The following ZNF705B variants were observed in gnomAD, a reference collection of about 807,000 sequenced individuals.
ZNF705B encodes the protein Putative zinc finger protein 705D-like protein LOC100132396.
Under a neutral mutation model 10.5 loss-of-function variants are expected in ZNF705B, and 1 was observed. The ratio of observed to expected loss-of-function variants is 0.10; its 90% CI spans 0.03 to 0.45. ZNF705B has a LOEUF of 0.45. ZNF705B is among the 20% of genes least tolerant of loss of function. The pLI is 0.97. For synonymous variants in ZNF705B, 4 were observed against 25.4 expected (o/e 0.16, Z 2.53); for missense variants, 14 against 84.0 (o/e 0.17, Z 3.26).
intron 2 of ZNF705B, among the ~76,000 whole-genome samples, chr8:7,932,279 G>A (rs1354220971): frequency 8.3e-6 from 1 of 121,034 alleles, no homozygotes; most frequent in Non-Finnish European, 2.0e-5. Context: ...TGGCTGGGCT[G>A]CTGCTTCATT....
chr8:7,948,981 A>G (rs1342183583), intron 3 of ZNF705B, 148 bp from the exon 4 acceptor site: 1 of 139,658 alleles, frequency 7.2e-6, no homozygotes, highest in African/African-American at 3.5e-5. Context: ...AAAGGCAGAT[A>G]CCAGCTTAGT....
At chr8:7,940,611 C>A (rs2740655) in intron 2 of ZNF705B, among the ~76,000 whole-genome samples, 49,865 of 102,518 alleles carry the variant, frequency 0.49, 9,564 homozygotes, top group Admixed American at 0.57. Context: ...GCACCAGGGC[C>A]CCTGGCAACC....
chr8:7,928,537 A>G (rs1265611585), intron 1 of ZNF705B, among the ~76,000 whole-genome samples: 1 of 118,766 alleles, frequency 8.4e-6, no homozygotes, highest in African/African-American at 2.5e-5. Flanking sequence ...GAAACAATAT[A>G]AAGCAACACA....
At chr8:7,928,122 T>C (rs2740640) in intron 1 of ZNF705B, among the ~76,000 whole-genome samples, 1,194 of 108,914 alleles carry the variant, frequency 0.011, 11 homozygotes, top group African/African-American at 0.032. Flanking sequence ...AGAGAGCTCG[T>C]TCCCTTCTCT....
rs1406499480 is a variant in ZNF705B, at chr8:7,928,027, G to A, written c.-222+1630G>A. Among the ~76,000 whole-genome samples the A allele has an allele frequency of 1.2e-4, 15 of 130,378 alleles. No individual in the cohort carries two copies. The East Asian group carries it at 1.3e-3, about 12-fold the overall frequency. The allele number at this position is 130,378 out of a possible 152,430, so 85.5% of individuals were successfully genotyped here. Reference sequence around the variant, plus strand: ...ATGCTATTAAAAAGTAATATAAACAGGGTGGCTTATAAAGAGCAGAAGTTT... The same window carrying A: ...ATGCTATTAAAAAGTAATATAAACAAGGTGGCTTATAAAGAGCAGAAGTTT... On this transcript the variant is annotated intron_variant, in intron 1 of 6. Coordinates refer to ENST00000400120, the MANE Select transcript of ZNF705B (RefSeq NM_001193630.1).
chr8:7,931,691 G>A (rs1408393798), intron 2 of ZNF705B, among the ~76,000 whole-genome samples: 2 of 129,468 alleles, frequency 1.5e-5, no homozygotes, highest in Non-Finnish European at 3.6e-5. Flanking sequence ...CAGGTGTGCA[G>A]TGGCCCTGCT....
Position 7,936,600 on chromosome 8 carries a change from C to T in ZNF705B, c.-72+6164C>T, listed in dbSNP as rs529150630. On this transcript the variant is annotated intron_variant, in intron 2 of 6. Coordinates refer to ENST00000400120, the MANE Select transcript of ZNF705B (RefSeq NM_001193630.1). ...ATGGATGCAGCTGGAGGACTTTATT[C>T]TAAGCAAATTAGCTCAAGAACAGGA... Among the ~76,000 whole-genome samples the T allele has an allele frequency of 8.3e-5, 10 of 119,948 alleles. 3 individuals are homozygous for T. Among genetic ancestry groups the T allele is most frequent in the East Asian group, 2.4e-4 (1 of 4,226 alleles). The allele number at this position is 119,948 out of a possible 152,430, so 78.7% of individuals were successfully genotyped here.
Position 7,930,921 on chromosome 8 carries a change from A to C in ZNF705B, c.-72+485A>C, listed in dbSNP as rs1819829112. ...GGCCAGGCTGCAGTGCAGTGGCACA[A>C]TTTCAACTCACTGCAGCTCTGCCTC... On this transcript the variant is annotated intron_variant, in intron 2 of 6. Transcript: ENST00000400120. Among the ~76,000 whole-genome samples, 3 of 129,322 alleles carry C rather than the reference A, an allele frequency of 2.3e-5. No homozygotes were observed. The South Asian group carries it at 7.7e-4, about 33-fold the overall frequency. The allele number at this position is 129,322 out of a possible 152,430, so 84.8% of individuals were successfully genotyped here. A position where few individuals can be genotyped will look rare whatever the true frequency, so the allele number is the denominator to read the frequency against.
At chr8:7,936,639 A>G (rs1190513355) in intron 2 of ZNF705B, among the ~76,000 whole-genome samples, 1 of 119,288 alleles carries the variant, frequency 8.4e-6, no homozygotes, top group African/African-American at 2.6e-5. Flanking sequence ...CAAATACCAC[A>G]TATTCTCAGT....
At chr8:7,940,581 C>G (rs867016231) in intron 2 of ZNF705B, among the ~76,000 whole-genome samples, 1 of 130,972 alleles carries the variant, frequency 7.6e-6, no homozygotes, top group Non-Finnish European at 1.7e-5. Context: ...GTGCTCTAAC[C>G]ACATCTACCC....
At chr8:7,931,086 C>A (rs1819834567) in intron 2 of ZNF705B, among the ~76,000 whole-genome samples, 1 of 119,808 alleles carries the variant, frequency 8.3e-6, no homozygotes, top group Non-Finnish European at 2.0e-5. Flanking sequence ...CTCCCGACCT[C>A]GGGTGATCTG....
intron 2 of ZNF705B, among the ~76,000 whole-genome samples, chr8:7,932,459 C>T (rs1365372707): frequency 8.2e-6 from 1 of 121,334 alleles, no homozygotes; most frequent in Non-Finnish European, 2.0e-5. Context: ...CACCTCCTAG[C>T]AATGAGAGGA....
chr8:7,927,617 A>G (rs1234210941), intron 1 of ZNF705B, among the ~76,000 whole-genome samples: 1 of 117,090 alleles, frequency 8.5e-6, no homozygotes, highest in African/African-American at 2.5e-5. Context: ...GACAAACAGT[A>G]GGAGGTTGAC....
chr8:7,930,813 A>G (rs1035968333), intron 2 of ZNF705B, among the ~76,000 whole-genome samples: 1 of 114,430 alleles, frequency 8.7e-6, no homozygotes, highest in Non-Finnish European at 2.1e-5. Flanking sequence ...TTTACCAGAC[A>G]TCACGGCAAA....
rs1345245217 is a variant in ZNF705B, at chr8:7,932,603, T to C, written c.-72+2167T>C. Among the ~76,000 whole-genome samples the C allele has an allele frequency of 1.6e-5, 2 of 121,712 alleles. 1 individual carries two copies. The highest frequency in any genetic ancestry group is 3.9e-5 in the Non-Finnish European group (2 of 50,706). 79.8% of individuals were successfully genotyped at this position (121,712 alleles called of 152,430 possible). On this transcript the variant is annotated intron_variant, in intron 2 of 6. Transcript: ENST00000400120. ...TCAGTTGGTGATGCAGTTTCAAAAATGCACTGAGGAAAACTTGGCACTTCC... is the reference window on the plus strand; with the variant it reads ...TCAGTTGGTGATGCAGTTTCAAAAACGCACTGAGGAAAACTTGGCACTTCC...
At chr8:7,933,941 T>TC (rs1819924024) in intron 2 of ZNF705B, among the ~76,000 whole-genome samples, 7 of 70,724 alleles carry the variant, frequency 9.9e-5, no homozygotes, top group African/African-American at 2.4e-4. Flanking sequence ...TTTTTTTTTT[T>TC]TTTTTTTTTT....
At chr8:7,935,273 G>A (rs1403627792) in intron 2 of ZNF705B, among the ~76,000 whole-genome samples, 3 of 137,570 alleles carry the variant, frequency 2.2e-5, no homozygotes, top group Non-Finnish European at 3.3e-5. Context: ...AGAAACCATT[G>A]CATATATTAA....
Position 7,932,064 on chromosome 8 carries a change from C to T in ZNF705B, c.-72+1628C>T, listed in dbSNP as rs2979535. ...GCCTGTGTCTGGGGGCACGTGCAGA[C>T]GATCCAGTGCCAACTCCTTCTCTGG... On this transcript the variant is annotated intron_variant, in intron 2 of 6. Transcript: ENST00000400120. Among the ~76,000 whole-genome samples the T allele has an allele frequency of 3.2e-4, 38 of 119,946 alleles. 6 individuals are homozygous for T. Among genetic ancestry groups the T allele is most frequent in the South Asian group, 2.8e-3 (10 of 3,522 alleles). The allele number at this position is 119,946 out of a possible 152,430, so 78.7% of individuals were successfully genotyped here.
At chr8:7,928,353 C>A (rs1333976390) in intron 1 of ZNF705B, among the ~76,000 whole-genome samples, 1 of 121,040 alleles carries the variant, frequency 8.3e-6, no homozygotes, top group East Asian at 2.4e-4. Flanking sequence ...CTCCTTCCTC[C>A]CTCCGTCAAT....
Sources: allele counts gnomAD v4.1 joint callset (sites outside exome capture counted in the v4.1 genomes callset), GRCh38; gene constraint gnomAD v4.1.1; transcripts MANE v1.5; gene names NCBI Gene and HGNC (gene_info 2026-07-23, HGNC 2026-07-21).